Variants in WRN observed in about 807,000 individuals in gnomAD.
WRN encodes bifunctional 3'-5' exonuclease/ATP-dependent helicase WRN.
In WRN, 149 loss-of-function variants were observed where a neutral mutation model predicts 180.7. The observed-to-expected ratio is 0.82, with a 90% CI of 0.72 to 0.94. WRN has a LOEUF of 0.94. WRN is among the 40% of genes least tolerant of loss of function. The probability of loss-of-function intolerance (pLI) is 0.00; values close to 1 mark genes in which losing one functional copy is unlikely to be tolerated. For synonymous variants in WRN, 548 were observed against 568.9 expected (o/e 0.96, Z 0.52); for missense variants, 1,661 against 1,700.1 (o/e 0.98, Z 0.40).
intron 6 of WRN, 108 bp downstream of exon 6, chr8:31,067,290 T>A: frequency 7.9e-7 from 1 of 1,268,982 alleles, no homozygotes; most frequent in Non-Finnish European, 1.1e-6. Flanking sequence ...ACCAAAATAT[T>A]TTATATCAAT....
intron 27 of WRN, among the ~76,000 whole-genome samples, chr8:31,143,255 T>G (rs1802730122): frequency 6.6e-6 from 1 of 152,212 alleles, no homozygotes. Context: ...TTTATTGAAG[T>G]ATGCAGAATG....
chr8:31,140,137 C>T (rs1802564196), intron 24 of WRN, among the ~76,000 whole-genome samples: 1 of 149,182 alleles, frequency 6.7e-6, no homozygotes. Context: ...TGCCTCAGCT[C>T]CTGCTTCAGC....
At chr8:31,142,582 T>G (rs1585516112) in intron 26 of WRN, 44 bp from the exon 27 acceptor site, 1 of 1,424,360 alleles carries the variant, frequency 7.0e-7, no homozygotes, top group Non-Finnish European at 9.7e-7. Flanking sequence ...AATTAGATAC[T>G]TGCATCTTAA....
At position 31,053,340 on chromosome 8, in the gene WRN, A is replaced by G. The variant is rs1032046636; in HGVS notation, c.-76-5032A>G. ...TTCCAAGTAACAGGTTGTCTTATTCATGGAGAAGCAGTTGTAAATTAAAAC... is the reference window on the plus strand; with the variant it reads ...TTCCAAGTAACAGGTTGTCTTATTCGTGGAGAAGCAGTTGTAAATTAAAAC... On this transcript the variant is annotated intron_variant, in intron 1 of 34. Coordinates refer to ENST00000298139, the MANE Select transcript of WRN (RefSeq NM_000553.6). 7.9e-5 allele frequency among the ~76,000 whole-genome samples: 12 copies of G among 152,244 alleles called. No homozygotes were observed. In the South Asian group the frequency reaches 2.3e-3, roughly 29 times the overall value.
chr8:31,039,193 C>G (rs943652460), intron 1 of WRN, among the ~76,000 whole-genome samples: 1 of 152,182 alleles, frequency 6.6e-6, no homozygotes, highest in Non-Finnish European at 1.5e-5. Flanking sequence ...TCTTTCTATG[C>G]ATAAACATGG....
At chr8:31,043,351 A>G (rs140968641) in intron 1 of WRN, among the ~76,000 whole-genome samples, 283 of 152,292 alleles carry the variant, frequency 1.9e-3, no homozygotes, top group African/African-American at 6.6e-3. Flanking sequence ...CATAGCTCCT[A>G]TCCTTGAATC....
chr8:31,082,366 C>G (rs1320420283), intron 9 of WRN, among the ~76,000 whole-genome samples: 2 of 152,112 alleles, frequency 1.3e-5, no homozygotes, highest in Non-Finnish European at 2.9e-5. Context: ...TTGAGCAATT[C>G]TCTGTATTTT....
intron 1 of WRN, among the ~76,000 whole-genome samples, chr8:31,035,201 G>C (rs1811404335): frequency 6.6e-6 from 1 of 152,074 alleles, no homozygotes; most frequent in South Asian, 2.1e-4. Flanking sequence ...AGTGGAAAGA[G>C]ACAGGCAAAA....
chr8:31,142,316 A>G (rs1339119911), intron 26 of WRN, among the ~76,000 whole-genome samples: 2 of 152,192 alleles, frequency 1.3e-5, no homozygotes, highest in African/African-American at 4.8e-5. Flanking sequence ...CATCGATTAA[A>G]GAAGCAGTAC....
At chr8:31,125,537 G>GATACATATATATATATATATATATAT (rs1554529384) in intron 23 of WRN, among the ~76,000 whole-genome samples, 1 of 63,766 alleles carries the variant, frequency 1.6e-5, no homozygotes, top group Non-Finnish European at 3.0e-5. Flanking sequence ...ATATTATGGA[G>GATACATATATATATATATATATATAT]ATATATATAT....
intron 31 of WRN, among the ~76,000 whole-genome samples, chr8:31,152,183 A>T (rs957865795): frequency 6.6e-6 from 1 of 152,080 alleles, no homozygotes; most frequent in African/African-American, 2.4e-5. Flanking sequence ...GATTCTAGTA[A>T]GCAAAAATGT....
chr8:31,116,213 T>C (rs1801509825), intron 19 of WRN, 141 bp from the exon 20 acceptor site: 1 of 830,296 alleles, frequency 1.2e-6, no homozygotes, highest in South Asian at 1.8e-5. Context: ...CACTTAAATA[T>C]ATCATTATTT....
Position 31,141,462 on chromosome 8 carries a change from G to A in WRN, c.3000G>A (p.Arg1000=), listed in dbSNP as rs886062891. ...NSQRLADQYR[R]HSLFGTGKDQ... ...AGCGTCTTGCCGATCAATATCGCAG[G>A]CACAGTTTATTTGGCACTGGCAAGG... is the stretch of plus-strand genomic sequence containing the variant. Residue 1000 remains arginine, a synonymous_variant, in exon 25 of 35, where the codon AGG becomes AGA. Transcript: ENST00000298139. 5 of 1,613,942 alleles carry A rather than the reference G, an allele frequency of 3.1e-6. No homozygotes were observed. The highest frequency in any genetic ancestry group is 3.4e-6 in the Non-Finnish European group (4 of 1,180,040).
At chr8:31,137,246 T>TG (rs1218171514) in intron 24 of WRN, among the ~76,000 whole-genome samples, 1 of 152,122 alleles carries the variant, frequency 6.6e-6, no homozygotes, top group Non-Finnish European at 1.5e-5. Flanking sequence ...TTATTGATCA[T>TG]GAGGGGAAGG....
At chr8:31,113,289 C>T (rs1235596554) in intron 19 of WRN, among the ~76,000 whole-genome samples, 1 of 151,906 alleles carries the variant, frequency 6.6e-6, no homozygotes, top group Non-Finnish European at 1.5e-5. Context: ...TGGTGTTTTC[C>T]TCTAAAGGGA....
chr8:31,125,729 G>A (rs1013391532), intron 23 of WRN, among the ~76,000 whole-genome samples: 6 of 150,060 alleles, frequency 4.0e-5, no homozygotes, highest in Non-Finnish European at 5.9e-5. Context: ...TCTTGAGGCA[G>A]AATTTCTTCT....
chr8:31,077,397 C>A (rs558396929), intron 8 of WRN, among the ~76,000 whole-genome samples: 1 of 132,214 alleles, frequency 7.6e-6, no homozygotes, highest in Non-Finnish European at 1.7e-5. Context: ...CCCGCCACCC[C>A]ACCTGGCTAA....
chr8:31,110,225 G>T (rs1801252504), intron 18 of WRN, among the ~76,000 whole-genome samples: 1 of 152,030 alleles, frequency 6.6e-6, no homozygotes, highest in Non-Finnish European at 1.5e-5. Flanking sequence ...CCCATGTTAG[G>T]GGTTAATTAG....
At chr8:31,125,155 T>C (rs1453670735) in intron 23 of WRN, among the ~76,000 whole-genome samples, 155 bp downstream of exon 23, 2 of 151,972 alleles carry the variant, frequency 1.3e-5, no homozygotes, top group Non-Finnish European at 2.9e-5. Flanking sequence ...TATTAAAGTA[T>C]TTTGCTTAAA....
Sources: allele counts gnomAD v4.1 joint callset (sites outside exome capture counted in the v4.1 genomes callset), GRCh38; gene constraint gnomAD v4.1.1; transcripts MANE v1.5; gene names NCBI Gene and HGNC (gene_info 2026-07-23, HGNC 2026-07-21).